Variants in SRGAP1 observed in about 807,000 individuals in gnomAD.
SRGAP1 encodes SLIT-ROBO Rho GTPase activating protein 1.
In SRGAP1, 43 loss-of-function variants were observed where a neutral mutation model predicts 121.9. The observed-to-expected ratio is 0.35, with a 90% CI of 0.28 to 0.46. The LOEUF (loss-of-function observed/expected upper bound fraction) is 0.46. Among genes scored for constraint, SRGAP1 ranks in the 20% least tolerant of loss-of-function variants. The probability of loss-of-function intolerance (pLI) is 1.00; values close to 1 mark genes in which losing one functional copy is unlikely to be tolerated. For missense variants in SRGAP1, 1,102 were observed against 1,350.9 expected (o/e 0.82, Z 2.89); for synonymous variants, 447 against 485.4 (o/e 0.92, Z 1.04).
rs76114488 is a variant in SRGAP1, at chr12:64,057,274, A to G, written c.802-5643A>G. On this transcript the variant is annotated intron_variant, in intron 6 of 21. Coordinates refer to ENST00000355086, the MANE Select transcript of SRGAP1 (RefSeq NM_020762.4). ...CAACTTTTTCTAAATGCTTGGTTAC[A>G]GTTCTTAAAACAACAAGAAGAGTTA... is the stretch of plus-strand genomic sequence containing the variant. Among the ~76,000 whole-genome samples, 41 of 152,312 alleles carry G rather than the reference A, an allele frequency of 2.7e-4. No individual in the cohort carries two copies. The East Asian group carries it at 6.9e-3, about 26-fold the overall frequency.
chr12:64,119,319 A>G (rs1298802564), intron 18 of SRGAP1, among the ~76,000 whole-genome samples: 1 of 152,200 alleles, frequency 6.6e-6, no homozygotes, highest in Non-Finnish European at 1.5e-5. Context: ...TTCATAAAGC[A>G]ACACCTCTGC....
intron 1 of SRGAP1, among the ~76,000 whole-genome samples, chr12:63,918,857 A>G (rs2030910734): frequency 6.6e-6 from 1 of 152,184 alleles, no homozygotes; most frequent in African/African-American, 2.4e-5. Context: ...AAGACTCCAC[A>G]GTTAGGGAGT....
At chr12:63,898,023 C>T (rs568833398) in intron 1 of SRGAP1, among the ~76,000 whole-genome samples, 34 of 152,346 alleles carry the variant, frequency 2.2e-4, no homozygotes, top group South Asian at 1.2e-3. Flanking sequence ...AGCTGCTTCA[C>T]TGTGATAAGA....
chr12:63,982,951 TC>T (rs1315737918), intron 1 of SRGAP1: 1 of 152,220 alleles, frequency 6.6e-6, no homozygotes, highest in Non-Finnish European at 1.5e-5. Flanking sequence ...ATCAGAGGAT[TC>T]TTTGAGGATT....
At chr12:63,862,512 T>C (rs959206356) in intron 1 of SRGAP1, among the ~76,000 whole-genome samples, 1 of 152,230 alleles carries the variant, frequency 6.6e-6, no homozygotes, top group Non-Finnish European at 1.5e-5. Flanking sequence ...GTGCGGCTTA[T>C]GCAAACAGCT....
At chr12:63,991,638 A>G (rs1405003770) in intron 3 of SRGAP1, among the ~76,000 whole-genome samples, 2 of 152,224 alleles carry the variant, frequency 1.3e-5, no homozygotes, top group African/African-American at 4.8e-5. Context: ...CGTTTGGTTC[A>G]GCAGGTTTTT....
Position 64,145,162 on chromosome 12 carries a change from C to A in SRGAP1, c.*2490C>A, listed in dbSNP as rs2037031316. 2 of 152,068 alleles carry A rather than the reference C, an allele frequency of 1.3e-5. No individual in the cohort carries two copies. Among genetic ancestry groups the A allele is most frequent in the Admixed American group, 1.3e-4 (2 of 15,270 alleles). The allele number at this position is 152,068 out of a possible 1,614,324, so 9.4% of individuals were successfully genotyped here. Reference sequence around the variant, plus strand: ...CCACTTCTTTAAAATAGTAAGAATTCTTAAAAACCATATTCCTTGTTTGAT... The same window carrying A: ...CCACTTCTTTAAAATAGTAAGAATTATTAAAAACCATATTCCTTGTTTGAT... On this transcript the variant is annotated 3_prime_UTR_variant, in exon 22 of 22. Coordinates refer to ENST00000355086, the MANE Select transcript of SRGAP1 (RefSeq NM_020762.4).
At chr12:64,050,122 T>A (rs140799301) in intron 6 of SRGAP1, among the ~76,000 whole-genome samples, 1 of 152,306 alleles carries the variant, frequency 6.6e-6, no homozygotes, top group Non-Finnish European at 1.5e-5. Context: ...TTAAGTTTAT[T>A]CCTAGGTATC....
At chr12:63,951,419 C>A (rs1400126808) in intron 1 of SRGAP1, among the ~76,000 whole-genome samples, 2 of 152,098 alleles carry the variant, frequency 1.3e-5, no homozygotes, top group Non-Finnish European at 2.9e-5. Flanking sequence ...CTGCCTTGGC[C>A]TCCCAAAGTG....
intron 15 of SRGAP1, among the ~76,000 whole-genome samples, chr12:64,106,896 T>G (rs973229904): frequency 2.0e-5 from 3 of 152,192 alleles, no homozygotes; most frequent in Non-Finnish European, 2.9e-5. Context: ...TTCAATTCAG[T>G]ATTACTAAGA....
At chr12:64,123,664 ATTT>A (rs2036639587) in intron 18 of SRGAP1, among the ~76,000 whole-genome samples, 2 of 149,836 alleles carry the variant, frequency 1.3e-5, no homozygotes, top group South Asian at 4.2e-4. Flanking sequence ...TTATTTATTT[ATTT>A]ATTTATTTAT....
At chr12:63,987,727 A>C (rs2033454180) in intron 2 of SRGAP1, among the ~76,000 whole-genome samples, 1 of 152,174 alleles carries the variant, frequency 6.6e-6, no homozygotes, top group Non-Finnish European at 1.5e-5. Context: ...CATCTAAAAA[A>C]ATAAAAATAA....
chr12:63,954,065 C>T (rs1043170900), intron 1 of SRGAP1, among the ~76,000 whole-genome samples: 3 of 152,216 alleles, frequency 2.0e-5, no homozygotes, highest in Non-Finnish European at 4.4e-5. Context: ...TACATCCATA[C>T]ATCAGTCTCA....
intron 21 of SRGAP1, among the ~76,000 whole-genome samples, chr12:64,130,698 C>T (rs909319053): frequency 6.6e-6 from 1 of 152,162 alleles, no homozygotes; most frequent in African/African-American, 2.4e-5. Flanking sequence ...GAGCATGAGC[C>T]CACTGCCACT....
At chr12:63,991,517 A>G (rs113159584) in intron 3 of SRGAP1, among the ~76,000 whole-genome samples, 2 of 152,362 alleles carry the variant, frequency 1.3e-5, no homozygotes, top group African/African-American at 2.4e-5. Context: ...TTAAGAAGAG[A>G]TAAAGAAATA....
intron 3 of SRGAP1, among the ~76,000 whole-genome samples, chr12:64,013,068 A>C (rs1327196661): frequency 6.6e-6 from 1 of 152,136 alleles, no homozygotes; most frequent in African/African-American, 2.4e-5. Flanking sequence ...GACTTTTAAC[A>C]ACCCAGATAT....
At chr12:63,900,810 T>C (rs960796512) in intron 1 of SRGAP1, among the ~76,000 whole-genome samples, 32 of 152,012 alleles carry the variant, frequency 2.1e-4, no homozygotes, top group African/African-American at 7.7e-4. Context: ...GAGACTCTTA[T>C]CTCAAAAAAT....
At chr12:63,885,602 C>T (rs192596970) in intron 1 of SRGAP1, among the ~76,000 whole-genome samples, 13 of 152,344 alleles carry the variant, frequency 8.5e-5, no homozygotes, top group Non-Finnish European at 1.8e-4. Context: ...TTCTTGGCCT[C>T]TCTGTACAGC....
At chr12:63,858,623 A>T (rs1214632681) in intron 1 of SRGAP1, among the ~76,000 whole-genome samples, 1 of 152,150 alleles carries the variant, frequency 6.6e-6, no homozygotes, top group Non-Finnish European at 1.5e-5. Flanking sequence ...ATAATTTTTA[A>T]ACTGCTAATC....
Sources: gnomAD v4.1 joint callset for allele counts (sites outside exome capture counted in the v4.1 genomes callset) on GRCh38, gnomAD v4.1.1 for gene constraint, MANE v1.5 for transcripts, NCBI Gene and HGNC (gene_info 2026-07-23, HGNC 2026-07-21) for gene names.